Variants in ITPK1 observed in about 807,000 individuals in gnomAD.
ITPK1 encodes the protein inositol 1,3,4-trisphosphate 5/6-kinase.
A neutral mutation model predicts 45.3 loss-of-function variants in ITPK1; 21 were observed. That is an observed-to-expected ratio of 0.46 (90% CI 0.33 to 0.67). The LOEUF is 0.67. Ranked by LOEUF, ITPK1 falls within the 30% of genes least tolerant of loss-of-function variation. ITPK1 has a pLI of 0.02. For missense variants in ITPK1, 474 were observed against 573.5 expected (o/e 0.83, Z 1.77); for synonymous variants, 258 against 253.6 (o/e 1.02, Z -0.16).
At chr14:93,114,949 G>A (rs1440340381) in intron 2 of ITPK1, 120 bp downstream of exon 2, 6 of 543,886 alleles carry the variant, frequency 1.1e-5, no homozygotes, top group Admixed American at 4.3e-5. Flanking sequence ...CCCGCGCGCC[G>A]CTTCTTCCCG....
At chr14:93,019,432 A>G (rs1298835204) in intron 3 of ITPK1, among the ~76,000 whole-genome samples, 1 of 152,224 alleles carries the variant, frequency 6.6e-6, no homozygotes, top group Admixed American at 6.5e-5. Context: ...ACTGAAGGTA[A>G]ACAGCTGAGC....
rs760824647 is a variant in ITPK1, at chr14:92,941,675, G to A, written c.1131C>T (p.Asp377=). The A allele has an allele frequency of 8.4e-5, 130 of 1,542,718 alleles. No homozygotes were observed. Among genetic ancestry groups the A allele is most frequent in the Admixed American group, 2.5e-4 (13 of 51,432 alleles). Residue 377 remains aspartate, a synonymous_variant, in exon 11 of 11, where the codon GAC becomes GAT. Transcript: ENST00000267615. The part of the protein sequence containing the change: ...GQDAPWKAEA[D]AGGTAKLPHQ... ...GCGGCAGCTTGGCGGTGCCGCCCGC[G>A]TCGGCCTCAGCCTTCCAGGGCGCGT...
In ITPK1 at chr14:92,941,392, C is replaced by A; in HGVS notation, c.*169G>T. On this transcript the variant is annotated 3_prime_UTR_variant, in exon 11 of 11. Transcript: ENST00000267615. ...GGACCACCTGGTACTCTCTTCCATCCCCCACTACCCCTCATTTAGATCATG... is the reference window on the plus strand; with the variant it reads ...GGACCACCTGGTACTCTCTTCCATCACCCACTACCCCTCATTTAGATCATG... The A allele has an allele frequency of 4.9e-6, 7 of 1,418,414 alleles. No individual in the cohort carries two copies. Among genetic ancestry groups the A allele is most frequent in the Non-Finnish European group, 6.4e-6 (7 of 1,093,718 alleles). The allele number at this position is 1,418,414 out of a possible 1,614,324, so 87.9% of individuals were successfully genotyped here.
In ITPK1 at chr14:93,063,920, C is replaced by T. The variant is rs753194625; in HGVS notation, c.120+12675G>A. Among the ~76,000 whole-genome samples the T allele has an allele frequency of 7.9e-5, 12 of 152,102 alleles. No homozygotes were observed. The South Asian group carries it at 1.2e-3, about 16-fold the overall frequency. On this transcript the variant is annotated intron_variant, in intron 3 of 10. Transcript: ENST00000267615. This position sits in a 1 kb window ranked among gnomAD's most constrained non-coding sequence, Gnocchi z 4.3. ...AAACGCACTTTGGAATTTTTACATG[C>T]GCATTCTAGAACTCTGAAGCAATCC...
At chr14:93,031,368 G>C (rs1889050490) in intron 3 of ITPK1, among the ~76,000 whole-genome samples, 1 of 152,234 alleles carries the variant, frequency 6.6e-6, no homozygotes, top group South Asian at 2.1e-4. Flanking sequence ...AGATGCCTCA[G>C]TCCCTTTGGA....
At chr14:93,111,897 G>T (rs992809835) in intron 2 of ITPK1, among the ~76,000 whole-genome samples, 5 of 152,058 alleles carry the variant, frequency 3.3e-5, no homozygotes, top group Non-Finnish European at 1.5e-5. Context: ...TGGATTCAAA[G>T]GCCCATCTGC....
chr14:93,049,503 G>A (rs1016101389), intron 3 of ITPK1, among the ~76,000 whole-genome samples: 11 of 152,198 alleles, frequency 7.2e-5, no homozygotes, highest in Non-Finnish European at 1.3e-4. Flanking sequence ...CTGCCTGGCT[G>A]GCAGGACCAA....
chr14:93,069,379 G>A, intron 3 of ITPK1: 1 of 154,624 alleles, frequency 6.5e-6, no homozygotes, highest in Non-Finnish European at 1.5e-5. Context: ...CAAGCCTGGG[G>A]CTGTAGCCTT....
chr14:93,078,478 G>A (rs986561980), intron 2 of ITPK1, among the ~76,000 whole-genome samples: 1 of 152,150 alleles, frequency 6.6e-6, no homozygotes, highest in African/African-American at 2.4e-5. Flanking sequence ...CACCTCAACA[G>A]AAACCTGGGC....
rs975290620 is a variant in ITPK1 at position 93,016,948 on chromosome 14, A to G, written c.121-147T>C. On this transcript the variant is annotated intron_variant, in intron 3 of 10. Transcript: ENST00000267615. This position sits in a 1 kb window ranked among gnomAD's most constrained non-coding sequence, Gnocchi z 5.0. ...GAGATGGGGCAGGAGGAGGGCTGAC[A>G]TGGAAAATACAGACAGGACAAGCAG... 2 of 1,041,396 alleles carry G rather than the reference A, an allele frequency of 1.9e-6. No individual in the cohort carries two copies. Among genetic ancestry groups the G allele is most frequent in the Non-Finnish European group, 2.8e-6 (2 of 726,424 alleles). 64.5% of individuals were successfully genotyped at this position (1,041,396 alleles called of 1,614,324 possible).
rs754710968 is a variant in ITPK1, at chr14:93,016,690, C to T, written c.232G>A (p.Val78Met). ...DQNDSQSLEL[V>M]HRFQEYIDAH... is the part of the protein sequence containing the mutation. ...TCCTCACTCACCTGGAACCTGTGCA[C>T]CAGCTCCAGGGACTGGCTATCATTC... The change falls in exon 4 of 11, where the codon GTG (valine) becomes ATG (methionine). Residue 78 changes from valine to methionine, a missense_variant. Val to Met is a conservative substitution (Grantham distance 21). Coordinates refer to ENST00000267615, the MANE Select transcript of ITPK1 (RefSeq NM_014216.6). This position sits in a 1 kb window ranked among gnomAD's most constrained non-coding sequence, Gnocchi z 5.0. 3.7e-6 allele frequency: 6 copies of T among 1,614,094 alleles called. No homozygotes were observed. The highest frequency in any genetic ancestry group is 1.3e-5 in the African/African-American group (1 of 75,046).
intron 5 of ITPK1, among the ~76,000 whole-genome samples, chr14:92,975,861 G>A (rs1288199541): frequency 6.6e-6 from 1 of 152,148 alleles, no homozygotes; most frequent in African/African-American, 2.4e-5. Flanking sequence ...GTCATGGGAG[G>A]GAGCCGGTGG....
At chr14:92,981,304 G>A (rs1324317606) in intron 5 of ITPK1, among the ~76,000 whole-genome samples, 1 of 152,194 alleles carries the variant, frequency 6.6e-6, no homozygotes, top group Non-Finnish European at 1.5e-5. Context: ...TCCCCGCATA[G>A]GCTAAGCAGA....
chr14:93,004,160 C>G (rs1034336034), intron 4 of ITPK1, among the ~76,000 whole-genome samples: 5 of 152,212 alleles, frequency 3.3e-5, no homozygotes, highest in African/African-American at 1.2e-4. Context: ...CCAGCGAGAT[C>G]CATGCCCACC....
At chr14:93,010,451 G>A (rs1887833904) in intron 4 of ITPK1, among the ~76,000 whole-genome samples, 2 of 152,232 alleles carry the variant, frequency 1.3e-5, no homozygotes, top group Admixed American at 1.3e-4. Flanking sequence ...AAGGTGTTCT[G>A]TGCCATCCTG....
At chr14:92,983,064 T>C (rs1886308836) in intron 5 of ITPK1, among the ~76,000 whole-genome samples, 1 of 152,210 alleles carries the variant, frequency 6.6e-6, no homozygotes, top group South Asian at 2.1e-4. Context: ...ACTTAGCTAG[T>C]GACTCATTTC....
chr14:93,054,289 G>A (rs192206358), intron 3 of ITPK1, among the ~76,000 whole-genome samples: 34 of 152,284 alleles, frequency 2.2e-4, no homozygotes, highest in African/African-American at 6.0e-4. Flanking sequence ...AGTAATAAAC[G>A]CAGGTTTTAA....
intron 5 of ITPK1, among the ~76,000 whole-genome samples, chr14:92,975,244 T>C (rs1885880340): frequency 6.6e-6 from 1 of 152,230 alleles, no homozygotes; most frequent in Non-Finnish European, 1.5e-5. Flanking sequence ...CTGGGCAAAA[T>C]GAGCCTTGCT....
At chr14:93,004,235 C>CG (rs1887496732) in intron 4 of ITPK1, among the ~76,000 whole-genome samples, 1 of 152,192 alleles carries the variant, frequency 6.6e-6, no homozygotes, top group Admixed American at 6.5e-5. Flanking sequence ...TGTGCATTGG[C>CG]GACAGGCACC....
Sources: allele counts gnomAD v4.1 joint callset (sites outside exome capture counted in the v4.1 genomes callset), GRCh38; gene constraint gnomAD v4.1.1; non-coding constraint Gnocchi (gnomAD v3.1); transcripts MANE v1.5; gene names NCBI Gene and HGNC (gene_info 2026-07-23, HGNC 2026-07-21).